FSTL4: variants seen among roughly 807,000 people sequenced by gnomAD.
FSTL4 encodes the protein follistatin-related protein 4.
Under a neutral mutation model 78.2 loss-of-function variants are expected in FSTL4, and 28 were observed. The ratio of observed to expected loss-of-function variants is 0.36; its 90% CI spans 0.27 to 0.49. The LOEUF is 0.49. FSTL4 is among the 20% of genes least tolerant of loss of function. The pLI is 0.98. For synonymous variants in FSTL4, 422 were observed against 440.5 expected (o/e 0.96, Z 0.53); for missense variants, 922 against 1,084.9 (o/e 0.85, Z 2.11).
At chr5:133,252,738 G>A (rs1293268185) in intron 6 of FSTL4, among the ~76,000 whole-genome samples, 1 of 152,120 alleles carries the variant, frequency 6.6e-6, no homozygotes, top group African/African-American at 2.4e-5. Context: ...TCCTCCATGT[G>A]GCCCCAAAGT....
the FSTL4 span, among the ~76,000 whole-genome samples, chr5:133,725,167 T>C: frequency 6.6e-6 from 1 of 152,216 alleles, no homozygotes. Context: ...ACACTGTTCT[T>C]CTTTTTTAAA....
intron 11 of FSTL4, among the ~76,000 whole-genome samples, chr5:133,223,542 C>A (rs983045623): frequency 2.0e-4 from 31 of 152,128 alleles, no homozygotes; most frequent in African/African-American, 6.8e-4. Context: ...GGACTGGGAC[C>A]CGGGCATGCA....
At chr5:133,666,658 C>T in the FSTL4 span, among the ~76,000 whole-genome samples, 1 of 151,972 alleles carries the variant, frequency 6.6e-6, no homozygotes, top group South Asian at 2.1e-4. Flanking sequence ...CACACAAGAA[C>T]CTGCTCGTGC....
At chr5:133,398,164 G>T (rs1301770742) in intron 4 of FSTL4, among the ~76,000 whole-genome samples, 1 of 152,128 alleles carries the variant, frequency 6.6e-6, no homozygotes, top group Non-Finnish European at 1.5e-5. Context: ...TTCACCTCAG[G>T]GCTGGCCTGC....
At chr5:133,504,910 T>C (rs2112881525) in intron 3 of FSTL4, among the ~76,000 whole-genome samples, 1 of 152,344 alleles carries the variant, frequency 6.6e-6, no homozygotes, top group East Asian at 1.9e-4. Context: ...GCTCTCCCCC[T>C]GTGAATATGA....
At chr5:133,792,417 T>C in the FSTL4 span, among the ~76,000 whole-genome samples, 2 of 152,182 alleles carry the variant, frequency 1.3e-5, no homozygotes, top group Non-Finnish European at 2.9e-5. Flanking sequence ...ATACATATGA[T>C]CAAAAGCATT....
chr5:133,503,968 G>C (rs188208648), intron 3 of FSTL4, among the ~76,000 whole-genome samples: 138 of 152,286 alleles, frequency 9.1e-4, no homozygotes, highest in Non-Finnish European at 1.5e-3. Flanking sequence ...TCTTCACAAT[G>C]GTGGGAGGAA....
At chr5:133,220,403 T>C (rs1751055062) in intron 12 of FSTL4, among the ~76,000 whole-genome samples, 1 of 152,254 alleles carries the variant, frequency 6.6e-6, no homozygotes, top group Admixed American at 6.5e-5. Flanking sequence ...ATTTTCTACC[T>C]GGCCTTAGTT....
the FSTL4 span, among the ~76,000 whole-genome samples, chr5:133,754,210 A>G: frequency 6.6e-6 from 1 of 152,242 alleles, no homozygotes; most frequent in African/African-American, 2.4e-5. Context: ...CCTAGTCTTC[A>G]TTTTGTAATA....
intron 4 of FSTL4, among the ~76,000 whole-genome samples, chr5:133,330,159 G>A (rs1006057608): frequency 6.6e-6 from 1 of 152,186 alleles, no homozygotes; most frequent in Non-Finnish European, 1.5e-5. Context: ...TGCAGCTGGT[G>A]CCCAGATATT....
In FSTL4 at chr5:133,237,009, G is replaced by A. The variant is rs1298674663; in HGVS notation, c.895-3472C>T. On this transcript the variant is annotated intron_variant, in intron 7 of 15. Transcript: ENST00000265342. The stretch of plus-strand genomic sequence containing the variant: ...CACAGTGGGCCCTCAAAAAATAGCT[G>A]TCGAGGGGACTGTACAGGGCACCGA... Among the ~76,000 whole-genome samples the A allele has an allele frequency of 3.3e-5, 5 of 152,316 alleles. No individual in the cohort carries two copies. In the East Asian group the frequency reaches 9.7e-4, roughly 29 times the overall value.
intron 3 of FSTL4, among the ~76,000 whole-genome samples, chr5:133,465,227 T>C (rs774482225): frequency 1.3e-5 from 2 of 152,226 alleles, no homozygotes; most frequent in Non-Finnish European, 2.9e-5. Flanking sequence ...CTTTGCCTGG[T>C]GTTCCCTCCA....
the FSTL4 span, among the ~76,000 whole-genome samples, chr5:133,700,673 ACC>A: frequency 2.6e-5 from 4 of 152,366 alleles, no homozygotes; most frequent in African/African-American, 9.6e-5. Flanking sequence ...AAAGAGGTGA[ACC>A]CAGGCAGCTC....
chr5:133,480,376 C>T (rs1758003349), intron 3 of FSTL4, among the ~76,000 whole-genome samples: 3 of 152,194 alleles, frequency 2.0e-5, no homozygotes, highest in Admixed American at 6.5e-5. Context: ...TTGAGTTTCT[C>T]GCAGAAACCG....
chr5:133,333,084 A>G (rs1002388476), intron 4 of FSTL4, among the ~76,000 whole-genome samples: 1 of 152,134 alleles, frequency 6.6e-6, no homozygotes, highest in Non-Finnish European at 1.5e-5. Flanking sequence ...ACAGCTGTGG[A>G]TCTGGGTGTG....
chr5:133,689,699 T>C, the FSTL4 span, among the ~76,000 whole-genome samples: 1 of 152,268 alleles, frequency 6.6e-6, no homozygotes, highest in Admixed American at 6.5e-5. Flanking sequence ...TATTGTTTCT[T>C]ATTCCCCAAA....
intron 3 of FSTL4, among the ~76,000 whole-genome samples, chr5:133,497,469 C>T (rs537605077): frequency 6.6e-6 from 1 of 152,160 alleles, no homozygotes; most frequent in Non-Finnish European, 1.5e-5. Flanking sequence ...CTGTTGTTTG[C>T]CTGAGGGGCA....
chr5:133,839,595 C>G, the FSTL4 span, among the ~76,000 whole-genome samples: 10 of 152,180 alleles, frequency 6.6e-5, 1 homozygote, highest in Admixed American at 6.5e-4. Flanking sequence ...ACAGAACATG[C>G]AAACATTGTA....
intron 3 of FSTL4, among the ~76,000 whole-genome samples, chr5:133,475,370 C>T (rs749848438): frequency 2.6e-5 from 4 of 152,184 alleles, no homozygotes; most frequent in Admixed American, 6.5e-5. Flanking sequence ...GGCGTCCGAC[C>T]GTGGGAACGG....
Sources: gnomAD v4.1 joint callset for allele counts (sites outside exome capture counted in the v4.1 genomes callset) on GRCh38, gnomAD v4.1.1 for gene constraint, MANE v1.5 for transcripts, NCBI Gene and HGNC (gene_info 2026-07-23, HGNC 2026-07-21) for gene names.